CALN1: variants seen among roughly 807,000 people sequenced by gnomAD.
The protein encoded by CALN1 is calneuron 1, also known as calcium-binding protein 8.
CALN1 carries 17 observed loss-of-function variants against 30.6 expected under a neutral mutation model. The ratio of observed to expected loss-of-function variants is 0.56; its 90% CI spans 0.38 to 0.83. The LOEUF is 0.83. Ranked by LOEUF, CALN1 falls within the 40% of genes least tolerant of loss-of-function variation. The probability of loss-of-function intolerance (pLI) is 0.00; values close to 1 mark genes in which losing one functional copy is unlikely to be tolerated. For missense variants in CALN1, 291 were observed against 354.9 expected, an observed-to-expected ratio of 0.82 and a Z score of 1.45; for synonymous variants, 156 against 131.4, an observed-to-expected ratio of 1.19 and a Z score of -1.28.
intron 5 of CALN1, among the ~76,000 whole-genome samples, chr7:71,810,995 A>G (rs1478322477): frequency 6.6e-6 from 1 of 151,446 alleles, no homozygotes; most frequent in Non-Finnish European, 1.5e-5. Context: ...CCCGAGTTCA[A>G]GCGATTCTCC....
intron 5 of CALN1, among the ~76,000 whole-genome samples, chr7:72,014,151 G>A (rs933721334): frequency 1.4e-5 from 2 of 147,564 alleles, no homozygotes; most frequent in Admixed American, 1.4e-4. Context: ...CAGTGGCTTG[G>A]TCTCAGCTCA....
intron 5 of CALN1, among the ~76,000 whole-genome samples, chr7:71,898,804 T>A (rs1036173614): frequency 9.9e-5 from 15 of 152,026 alleles, no homozygotes; most frequent in African/African-American, 3.6e-4. Flanking sequence ...AGAAATAGCA[T>A]CCAGATAGAG....
intron 4 of CALN1, among the ~76,000 whole-genome samples, chr7:72,054,161 G>A (rs1192366455): frequency 6.6e-6 from 1 of 151,978 alleles, no homozygotes; most frequent in Admixed American, 6.6e-5. Context: ...TAGATACCCA[G>A]CAGTGGGATT....
At chr7:72,059,565 A>C (rs1037427806) in intron 4 of CALN1, among the ~76,000 whole-genome samples, 2 of 152,210 alleles carry the variant, frequency 1.3e-5, no homozygotes, top group Non-Finnish European at 2.9e-5. Flanking sequence ...ATTTCCAAAA[A>C]GAAATTGAAC....
intron 2 of CALN1, among the ~76,000 whole-genome samples, chr7:72,349,892 GTTTAC>G (rs1802833853): frequency 6.6e-6 from 1 of 152,104 alleles, no homozygotes; most frequent in South Asian, 2.1e-4. Flanking sequence ...TTGGTTGTCT[GTTTAC>G]TTTGTTAGTT....
chr7:72,386,961 G>C (rs942599132), intron 2 of CALN1, among the ~76,000 whole-genome samples: 3 of 151,578 alleles, frequency 2.0e-5, no homozygotes, highest in African/African-American at 7.3e-5. Flanking sequence ...TCCGTCAGCT[G>C]AGGGGACCTA....
At chr7:72,010,399 C>T (rs796499341) in intron 5 of CALN1, among the ~76,000 whole-genome samples, 4 of 152,266 alleles carry the variant, frequency 2.6e-5, no homozygotes, top group African/African-American at 9.6e-5. Flanking sequence ...TATTTAGTTA[C>T]TGCAGCCGAA....
At position 72,021,964 on chromosome 7, in the gene CALN1, CT is replaced by C. The variant is rs1339095418; in HGVS notation, c.501+1692del. On this transcript the variant is annotated intron_variant, in intron 5 of 6. Coordinates refer to ENST00000395275, the MANE Select transcript of CALN1 (RefSeq NM_031468.4). ...GGGAACTCTGGAATCAGCCTCACCT[CT>C]TCTGTTTCTTCAGGCCCTAAATCCA... 2.0e-5 allele frequency among the ~76,000 whole-genome samples: 3 copies of C among 152,188 alleles called. No homozygotes were observed. The East Asian group carries it at 5.8e-4, about 29-fold the overall frequency.
chr7:72,265,257 G>A lies in CALN1; in HGVS notation c.244+13429C>T, dbSNP rs1796526660. Among the ~76,000 whole-genome samples the A allele has an allele frequency of 2.0e-5, 3 of 152,146 alleles. No homozygotes were observed. The South Asian group carries it at 6.2e-4, about 32-fold the overall frequency. Reference sequence around the variant, plus strand: ...TAGAGCAAATTTGTATTTTAAATGGGTGTGTCCTAACTCATCACCTGCGAT... The same window carrying A: ...TAGAGCAAATTTGTATTTTAAATGGATGTGTCCTAACTCATCACCTGCGAT... On this transcript the variant is annotated intron_variant, in intron 3 of 6. Transcript: ENST00000395275.
intron 5 of CALN1, among the ~76,000 whole-genome samples, chr7:71,938,808 C>CA (rs1348439321): frequency 6.6e-6 from 1 of 151,826 alleles, no homozygotes; most frequent in Non-Finnish European, 1.5e-5. Context: ...AACAAATGAA[C>CA]AAAAAAACCA....
intron 3 of CALN1, among the ~76,000 whole-genome samples, chr7:72,228,561 A>G (rs1300137602): frequency 1.3e-5 from 2 of 151,784 alleles, no homozygotes; most frequent in Non-Finnish European, 2.9e-5. Flanking sequence ...TCATTGGTGC[A>G]TGGCTGTGGG....
intron 4 of CALN1, among the ~76,000 whole-genome samples, chr7:72,083,470 G>A (rs1805285565): frequency 6.6e-6 from 1 of 152,104 alleles, no homozygotes. Flanking sequence ...TGTAATCCTA[G>A]TGCTTTGTAA....
chr7:72,222,959 T>A (rs1262876046), intron 3 of CALN1, among the ~76,000 whole-genome samples: 1 of 152,096 alleles, frequency 6.6e-6, no homozygotes, highest in Non-Finnish European at 1.5e-5. Context: ...AGTTAGAGGC[T>A]GCAGTGAGCT....
At chr7:72,221,103 C>T (rs1011051964) in intron 3 of CALN1, among the ~76,000 whole-genome samples, 3 of 152,048 alleles carry the variant, frequency 2.0e-5, no homozygotes, top group Non-Finnish European at 4.4e-5. Context: ...GTGTTTTAGA[C>T]ATGAAATCCT....
At chr7:71,997,333 T>C (rs550503113) in intron 5 of CALN1, among the ~76,000 whole-genome samples, 13 of 152,092 alleles carry the variant, frequency 8.5e-5, no homozygotes, top group Admixed American at 6.6e-4. Context: ...AGAGGACAGA[T>C]GACAGATGTC....
chr7:71,840,841 A>G (rs1789897784), intron 5 of CALN1, among the ~76,000 whole-genome samples: 1 of 152,134 alleles, frequency 6.6e-6, no homozygotes, highest in Non-Finnish European at 1.5e-5. Context: ...TCATGGTAAT[A>G]TATGATAGCA....
At chr7:72,404,461 G>A (rs991978072) in intron 1 of CALN1, among the ~76,000 whole-genome samples, 37 of 152,214 alleles carry the variant, frequency 2.4e-4, no homozygotes, top group African/African-American at 8.4e-4. Context: ...GTGAAGTTCA[G>A]AGAGTGTAAA....
At chr7:71,925,127 G>A (rs977263616) in intron 5 of CALN1, among the ~76,000 whole-genome samples, 2 of 152,058 alleles carry the variant, frequency 1.3e-5, no homozygotes, top group African/African-American at 4.8e-5. Context: ...TGTAATCCTA[G>A]CTACTCGGGA....
intron 3 of CALN1, among the ~76,000 whole-genome samples, chr7:72,252,919 T>C (rs1252203256): frequency 1.3e-5 from 2 of 152,292 alleles, no homozygotes; most frequent in East Asian, 3.9e-4. Flanking sequence ...CAATCAACAT[T>C]TGTGAATGAA....
Sources: gnomAD v4.1 joint callset for allele counts (sites outside exome capture counted in the v4.1 genomes callset) on GRCh38, gnomAD v4.1.1 for gene constraint, MANE v1.5 for transcripts, NCBI Gene and HGNC (gene_info 2026-07-23, HGNC 2026-07-21) for gene names.